Variants in LRRIQ1 observed in about 807,000 individuals in gnomAD.
The protein encoded by LRRIQ1 is leucine-rich repeat- and IQ domain-containing protein 1.
In LRRIQ1, 210 loss-of-function variants were observed where a neutral mutation model predicts 211.9. That is an observed-to-expected ratio of 0.99 (90% CI 0.89 to 1.11). LRRIQ1 has a LOEUF of 1.11. Ranked by LOEUF, LRRIQ1 falls within the 50% of genes most tolerant of loss-of-function variation. The pLI, the probability that LRRIQ1 is intolerant of heterozygous loss-of-function variation, is 0.00. For synonymous variants in LRRIQ1, 699 were observed against 650.1 expected, an observed-to-expected ratio of 1.08 and a Z score of -1.14; for missense variants, 2,136 against 1,939.5, an observed-to-expected ratio of 1.10 and a Z score of -1.90.
At chr12:85,040,863 T>A (rs745885238) in intron 3 of LRRIQ1, among the ~76,000 whole-genome samples, 2 of 151,602 alleles carry the variant, frequency 1.3e-5, no homozygotes, top group Non-Finnish European at 3.0e-5. Flanking sequence ...CATCCTATTA[T>A]TTTATATTAA....
intron 11 of LRRIQ1, among the ~76,000 whole-genome samples, chr12:85,094,683 A>G (rs956378862): frequency 1.3e-5 from 2 of 152,024 alleles, no homozygotes; most frequent in African/African-American, 4.8e-5. Context: ...AAATAGTGTT[A>G]TATCTGTAAA....
intron 24 of LRRIQ1, among the ~76,000 whole-genome samples, chr12:85,197,181 G>A (rs1030714124): frequency 3.3e-5 from 5 of 152,130 alleles, no homozygotes; most frequent in African/African-American, 1.2e-4. Flanking sequence ...GGAAACAACA[G>A]GTGCTGGAGA....
chr12:85,065,733 T>G (rs1248060728), intron 9 of LRRIQ1, among the ~76,000 whole-genome samples: 5 of 152,018 alleles, frequency 3.3e-5, no homozygotes, highest in Non-Finnish European at 7.4e-5. Context: ...TGTGGGCCAT[T>G]AATTTGACTA....
At chr12:85,227,390 G>C (rs918946482) in intron 24 of LRRIQ1, among the ~76,000 whole-genome samples, 1 of 152,028 alleles carries the variant, frequency 6.6e-6, no homozygotes, top group Non-Finnish European at 1.5e-5. Flanking sequence ...TCGTCATTTA[G>C]TATTAGGTAG....
chr12:85,255,177 A>G (rs538621231), intron 1 of LRRIQ1, among the ~76,000 whole-genome samples: 1 of 152,002 alleles, frequency 6.6e-6, no homozygotes, highest in African/African-American at 2.4e-5. Flanking sequence ...ATACTCTACT[A>G]TAACTCCAGT....
Position 85,186,620 on chromosome 12 carries a change from T to A in LRRIQ1, c.4822+25906T>A, listed in dbSNP as rs1287926349. On this transcript the variant is annotated intron_variant, in intron 24 of 26. Coordinates refer to ENST00000393217, the MANE Select transcript of LRRIQ1 (RefSeq NM_001079910.2). ...ATATACATCTCTCCGAGTACTTTAA[T>A]GGTAGCATTTCACAACTAGTGAAAT... Among the ~76,000 whole-genome samples, 5 of 152,294 alleles carry A rather than the reference T, an allele frequency of 3.3e-5. No individual in the cohort carries two copies. The South Asian group carries it at 1.0e-3, about 32-fold the overall frequency.
intron 23 of LRRIQ1, among the ~76,000 whole-genome samples, chr12:85,155,410 C>CT (rs1293642072): frequency 1.3e-5 from 2 of 151,530 alleles, no homozygotes; most frequent in African/African-American, 4.8e-5. Flanking sequence ...ACTCCAGACT[C>CT]TTAACGATAG....
chr12:85,101,962 A>C (rs1298611391), intron 13 of LRRIQ1, among the ~76,000 whole-genome samples: 1 of 151,752 alleles, frequency 6.6e-6, no homozygotes, highest in Non-Finnish European at 1.5e-5. Context: ...TGAAAAAAGA[A>C]AAAAAGTTGT....
At chr12:85,116,046 G>A (rs1329796917) in intron 15 of LRRIQ1, among the ~76,000 whole-genome samples, 1 of 152,188 alleles carries the variant, frequency 6.6e-6, no homozygotes, top group Non-Finnish European at 1.5e-5. Flanking sequence ...TGTAAAACAA[G>A]TGGAAATGTT....
intron 8 of LRRIQ1, among the ~76,000 whole-genome samples, chr12:85,063,558 T>C (rs1214653370): frequency 1.3e-5 from 2 of 151,782 alleles, no homozygotes; most frequent in East Asian, 3.9e-4. Flanking sequence ...AGTTATACTC[T>C]TAGTCATTTT....
chr12:85,047,674 C>T (rs752811429), intron 6 of LRRIQ1: 1 of 463,776 alleles, frequency 2.2e-6, no homozygotes, highest in Non-Finnish European at 3.9e-6. Flanking sequence ...AGGTCAGACA[C>T]ACTTCTGATC....
chr12:85,209,160 T>C (rs1893711732), intron 24 of LRRIQ1, among the ~76,000 whole-genome samples: 1 of 152,230 alleles, frequency 6.6e-6, no homozygotes, highest in African/African-American at 2.4e-5. Context: ...TATATTAGTT[T>C]GTTCTCATGC....
intron 24 of LRRIQ1, among the ~76,000 whole-genome samples, chr12:85,220,432 A>T (rs1363962486): frequency 6.6e-6 from 1 of 152,022 alleles, no homozygotes; most frequent in Non-Finnish European, 1.5e-5. Flanking sequence ...TATGGGTTTA[A>T]TGAACACTTT....
chr12:85,178,101 A>T (rs1007330452), intron 24 of LRRIQ1, among the ~76,000 whole-genome samples: 2 of 151,886 alleles, frequency 1.3e-5, no homozygotes, highest in African/African-American at 4.8e-5. Context: ...AAATTTTTCT[A>T]TCACTTTCTT....
At chr12:85,227,696 A>C (rs1483351204) in intron 24 of LRRIQ1, among the ~76,000 whole-genome samples, 1 of 152,184 alleles carries the variant, frequency 6.6e-6, no homozygotes, top group Non-Finnish European at 1.5e-5. Context: ...GGAACCAAAA[A>C]AGAGCCCGCA....
intron 1 of LRRIQ1, among the ~76,000 whole-genome samples, chr12:85,258,565 G>T (rs1896191071): frequency 6.6e-6 from 1 of 151,664 alleles, no homozygotes; most frequent in Non-Finnish European, 1.5e-5. Context: ...ATTCAAGCTT[G>T]GACACAGCAG....
At chr12:85,119,930 A>G (rs939522779) in intron 15 of LRRIQ1, among the ~76,000 whole-genome samples, 6 of 152,148 alleles carry the variant, frequency 3.9e-5, no homozygotes, top group African/African-American at 1.2e-4. Context: ...AAACAGATAC[A>G]TCTTTTGAAA....
chr12:85,216,658 A>G (rs1283909776), intron 24 of LRRIQ1, among the ~76,000 whole-genome samples: 1 of 151,974 alleles, frequency 6.6e-6, no homozygotes, highest in Non-Finnish European at 1.5e-5. Context: ...AATAGTTTAA[A>G]GCTAAAAAGT....
At chr12:85,176,688 C>T (rs1891721810) in intron 24 of LRRIQ1, among the ~76,000 whole-genome samples, 1 of 150,612 alleles carries the variant, frequency 6.6e-6, no homozygotes, top group African/African-American at 2.4e-5. Flanking sequence ...CACATGTATA[C>T]ATATGTAACT....
Sources: allele counts gnomAD v4.1 joint callset (sites outside exome capture counted in the v4.1 genomes callset), GRCh38; gene constraint gnomAD v4.1.1; transcripts MANE v1.5; gene names NCBI Gene and HGNC (gene_info 2026-07-23, HGNC 2026-07-21).